The following BARD1 variants were observed in gnomAD, a reference collection of about 807,000 sequenced individuals.
BARD1 encodes the protein BRCA1-associated RING domain protein 1.
BARD1 carries 73 observed loss-of-function variants against 77.0 expected under a neutral mutation model. That is an observed-to-expected ratio of 0.95 (90% CI 0.79 to 1.15). The LOEUF is 1.15. Ranked by LOEUF, BARD1 falls within the 50% of genes most tolerant of loss-of-function variation. The pLI, the probability that BARD1 is intolerant of heterozygous loss-of-function variation, is 0.00. For missense variants in BARD1, 993 were observed against 938.8 expected, an observed-to-expected ratio of 1.06 and a Z score of -0.75; for synonymous variants, 384 against 338.0, an observed-to-expected ratio of 1.14 and a Z score of -1.49.
intron 4 of BARD1, among the ~76,000 whole-genome samples, chr2:214,779,238 A>G (rs1379777437): frequency 6.6e-6 from 1 of 152,164 alleles, no homozygotes; most frequent in Non-Finnish European, 1.5e-5. Context: ...CCAGAATCCC[A>G]GCAGATACCA....
In BARD1 at chr2:214,745,781, A is replaced by G. The variant is rs1392588415; in HGVS notation, c.1751T>C (p.Met584Thr). The change falls in exon 8 of 11, where the codon ATG becomes ACG. Residue 584 changes from methionine (M) to threonine (T), a missense_variant. Met to Thr is a moderately conservative substitution (Grantham distance 81). Coordinates refer to ENST00000260947, the MANE Select transcript of BARD1 (RefSeq NM_000465.4). The stretch of plus-strand genomic sequence containing the variant: ...AAGAATTACTGCAAGCTCACTGAGC[A>G]TTTTCTGTTGTTCTGAAGACAGCCC... ...GSGLSSEQQKMLSELAVILKA... is the reference protein window; with the variant it reads ...GSGLSSEQQKTLSELAVILKA... 2 of 1,614,044 alleles carry G rather than the reference A, an allele frequency of 1.2e-6. No individual in the cohort carries two copies. The highest frequency in any genetic ancestry group is 2.2e-5 in the East Asian group (1 of 44,856).
At chr2:214,731,392 C>T (rs1178979147) in intron 9 of BARD1, among the ~76,000 whole-genome samples, 1 of 152,156 alleles carries the variant, frequency 6.6e-6, no homozygotes, top group Non-Finnish European at 1.5e-5. Flanking sequence ...CAGCTAGAGA[C>T]AACATCTTGG....
At chr2:214,734,573 T>C (rs1272123482) in intron 9 of BARD1, among the ~76,000 whole-genome samples, 1 of 152,142 alleles carries the variant, frequency 6.6e-6, no homozygotes, top group Non-Finnish European at 1.5e-5. Flanking sequence ...CAAAATACTT[T>C]ACTATAGATT....
intron 6 of BARD1, among the ~76,000 whole-genome samples, chr2:214,755,714 C>T (rs557618678): frequency 6.6e-4 from 100 of 152,250 alleles, no homozygotes; most frequent in Non-Finnish European, 1.1e-3. Context: ...CTTCTAGGCA[C>T]TGTGTGCTCA....
At chr2:214,747,250 T>C (rs1477258438) in intron 7 of BARD1, among the ~76,000 whole-genome samples, 1 of 151,998 alleles carries the variant, frequency 6.6e-6, no homozygotes, top group African/African-American at 2.4e-5. Context: ...ACTTTTACAC[T>C]GTTAGTGGGA....
chr2:214,784,987 G>C (rs1307641411), intron 3 of BARD1, among the ~76,000 whole-genome samples: 2 of 150,542 alleles, frequency 1.3e-5, no homozygotes, highest in Non-Finnish European at 2.9e-5. Context: ...TAACAAACCT[G>C]CATGTTCTGC....
chr2:214,727,017 G>C lies in BARD1; in HGVS notation c.*1659C>G, dbSNP rs1016437370. 1.5e-5 allele frequency: 3 copies of C among 206,800 alleles called. No individual in the cohort carries two copies. The highest frequency in any genetic ancestry group is 2.8e-5 in the Non-Finnish European group (3 of 107,244). 12.8% of individuals were successfully genotyped at this position (206,800 alleles called of 1,614,324 possible). ...AAAAAATGACAACCAAAATCCTAGAGAGTCTTAAATTATTTAATCCAGACA... is the reference window on the plus strand; with the variant it reads ...AAAAAATGACAACCAAAATCCTAGACAGTCTTAAATTATTTAATCCAGACA... On this transcript the variant is annotated 3_prime_UTR_variant, in exon 11 of 11. Transcript: ENST00000260947.
intron 7 of BARD1, among the ~76,000 whole-genome samples, chr2:214,751,125 A>T (rs1170137739): frequency 4.0e-4 from 5 of 12,644 alleles, no homozygotes; most frequent in African/African-American, 6.8e-4. Context: ...GTGTATATAT[A>T]TATATATATA....
chr2:214,808,498 A>T (rs939675719), intron 1 of BARD1, among the ~76,000 whole-genome samples: 1 of 151,938 alleles, frequency 6.6e-6, no homozygotes, highest in Non-Finnish European at 1.5e-5. Flanking sequence ...AAAGGGGAAA[A>T]AAGTCCAAAA....
At chr2:214,751,730 T>C (rs78493739) in intron 7 of BARD1, among the ~76,000 whole-genome samples, 298 of 152,284 alleles carry the variant, frequency 2.0e-3, no homozygotes, top group African/African-American at 6.2e-3. Context: ...AATTGGCACA[T>C]AGAACTATTG....
chr2:214,809,669 G>C lies in BARD1; in HGVS notation c.-100C>G, dbSNP rs907533589. ...AGGCCAGCGACTCGAAACCGGCCAA[G>C]CTCTTCCCGCGTCTGGGACGGCGGG... On this transcript the variant is annotated 5_prime_UTR_variant, in exon 1 of 11. Coordinates refer to ENST00000260947, the MANE Select transcript of BARD1 (RefSeq NM_000465.4). 6.9e-7 allele frequency: 1 copy of C among 1,454,938 alleles called. No homozygotes were observed. Among genetic ancestry groups the C allele is most frequent in the South Asian group, 1.2e-5 (1 of 81,240 alleles). The allele number at this position is 1,454,938 out of a possible 1,614,324, so 90.1% of individuals were successfully genotyped here.
Position 214,809,524 on chromosome 2 carries a change from A to C in BARD1, c.46T>G (p.Ser16Ala). Reference sequence around the variant, plus strand: ...GGCGCGGAACGAGGCTCGTTCCCGGAGCGGATCCTCGGCTGCCGGTTCCTC... The same window carrying C: ...GGCGCGGAACGAGGCTCGTTCCCGGCGCGGATCCTCGGCTGCCGGTTCCTC... ...QPRNRQPRIRSGNEPRSAPAM... is the reference protein window; with the variant it reads ...QPRNRQPRIRAGNEPRSAPAM... The change falls in exon 1 of 11, where the codon TCC becomes GCC. Residue 16 changes from serine to alanine, a missense_variant. Transcript: ENST00000260947. The C allele has an allele frequency of 6.3e-7, 1 of 1,591,466 alleles. No individual in the cohort carries two copies. The highest frequency in any genetic ancestry group is 1.7e-5 in the Admixed American group (1 of 58,474).
intron 2 of BARD1, among the ~76,000 whole-genome samples, chr2:214,795,349 G>A (rs1407432968): frequency 4.6e-5 from 7 of 152,166 alleles, no homozygotes; most frequent in African/African-American, 1.7e-4. Context: ...AAAAGGAGAA[G>A]TGCTGGAACA....
rs876658576 is a variant in BARD1 at position 214,767,525 on chromosome 2, T to C, written c.1525A>G (p.Ile509Val). 3 of 1,614,034 alleles carry C rather than the reference T, an allele frequency of 1.9e-6. No individual in the cohort carries two copies. Among genetic ancestry groups the C allele is most frequent in the East Asian group, 4.5e-5 (2 of 44,878 alleles). The change falls in exon 6 of 11, where the codon ATA becomes GTA. Residue 509 changes from isoleucine to valine, a missense_variant. Physicochemically the swap from Ile to Val is conservative, Grantham distance 29. Coordinates refer to ENST00000260947, the MANE Select transcript of BARD1 (RefSeq NM_000465.4). ...CCATAGGAAAGTAACAGCTTGACTA[T>C]ATCCACATGCCCATTCTTGGCTGCA... ...HDAAKNGHVDIVKLLLSYGAS... is the reference protein window; with the variant it reads ...HDAAKNGHVDVVKLLLSYGAS...
At chr2:214,753,704 G>A (rs901706853) in intron 6 of BARD1, among the ~76,000 whole-genome samples, 1 of 152,092 alleles carries the variant, frequency 6.6e-6, no homozygotes, top group Non-Finnish European at 1.5e-5. Flanking sequence ...TCACAGACAA[G>A]GTCACTAATG....
intron 5 of BARD1, among the ~76,000 whole-genome samples, chr2:214,767,939 G>A (rs1272054035): frequency 1.3e-5 from 2 of 151,394 alleles, no homozygotes; most frequent in African/African-American, 4.9e-5. Flanking sequence ...TAAACCAACG[G>A]TAGCTCCTTA....
chr2:214,729,208 G>A (rs913708216), intron 10 of BARD1, among the ~76,000 whole-genome samples, 200 bp from the exon 11 acceptor site: 2 of 152,188 alleles, frequency 1.3e-5, no homozygotes, highest in African/African-American at 4.8e-5. Flanking sequence ...TGAGGCTCAA[G>A]CCTAAACACA....
intron 7 of BARD1, among the ~76,000 whole-genome samples, chr2:214,747,033 C>A (rs971421610): frequency 3.1e-4 from 47 of 152,090 alleles, no homozygotes; most frequent in East Asian, 2.1e-3. Flanking sequence ...ACCCCATCAA[C>A]AAGTGGGCGA....
At chr2:214,753,931 T>C (rs1044453516) in intron 6 of BARD1, among the ~76,000 whole-genome samples, 2 of 152,156 alleles carry the variant, frequency 1.3e-5, no homozygotes, top group African/African-American at 4.8e-5. Flanking sequence ...GGCAACAGTC[T>C]TTCTCCAGCC....
Sources: allele counts gnomAD v4.1 joint callset (sites outside exome capture counted in the v4.1 genomes callset), GRCh38; gene constraint gnomAD v4.1.1; transcripts MANE v1.5; gene names NCBI Gene and HGNC (gene_info 2026-07-23, HGNC 2026-07-21).